Variants in EXO1 observed in about 807,000 individuals in gnomAD.
EXO1 encodes exonuclease 1.
In EXO1, 69 loss-of-function variants were observed where a neutral mutation model predicts 84.5. The ratio of observed to expected loss-of-function variants is 0.82; its 90% CI spans 0.67 to 1.00. The LOEUF (loss-of-function observed/expected upper bound fraction) is 1.00. EXO1 is among the 50% of genes least tolerant of loss of function. EXO1 has a pLI of 0.00. For synonymous variants in EXO1, 373 were observed against 366.1 expected (o/e 1.02, Z -0.21); for missense variants, 1,045 against 1,000.7 (o/e 1.04, Z -0.60).
chr1:241,874,895 G>A (rs1328268674), intron 12 of EXO1, among the ~76,000 whole-genome samples: 1 of 152,232 alleles, frequency 6.6e-6, no homozygotes, highest in African/African-American at 2.4e-5. Flanking sequence ...AGTGTCAGAA[G>A]TGATCTAGGC....
Position 241,861,515 on chromosome 1 carries a change from T to G in EXO1, c.1041+13T>G, listed in dbSNP as rs1473539937. ...AGACACTGCTATGGTAACGTTTTGA[T>G]GACCACCCTATGAAAACACGTTTTA... On this transcript the variant is annotated intron_variant, in intron 10 of 15. Transcript: ENST00000366548. 1.8e-5 allele frequency: 24 copies of G among 1,364,756 alleles called. No individual in the cohort carries two copies. The highest frequency in any genetic ancestry group is 2.4e-5 in the Non-Finnish European group (23 of 952,440). 84.5% of individuals were successfully genotyped at this position (1,364,756 alleles called of 1,614,324 possible).
At position 241,889,754 on chromosome 1, in the gene EXO1, G is replaced by T. The variant is rs1444913567; in HGVS notation, c.*154G>T. 3 of 734,550 alleles carry T rather than the reference G, an allele frequency of 4.1e-6. No homozygotes were observed. Among genetic ancestry groups the T allele is most frequent in the Non-Finnish European group, 6.9e-6 (3 of 433,960 alleles). The allele number at this position is 734,550 out of a possible 1,614,324, so 45.5% of individuals were successfully genotyped here. ...TTTTGTATATTAACTTTATAATTGG[G>T]TTGTGGTTTTTTTGCTCAGCTTTTT... On this transcript the variant is annotated 3_prime_UTR_variant, in exon 16 of 16. Transcript: ENST00000366548.
At chr1:241,853,913 T>A (rs1660804459) in intron 6 of EXO1, among the ~76,000 whole-genome samples, 1 of 152,064 alleles carries the variant, frequency 6.6e-6, no homozygotes. Flanking sequence ...CTCACCCAAC[T>A]CTCCTACAGT....
intron 5 of EXO1, among the ~76,000 whole-genome samples, chr1:241,852,817 C>T (rs1337300103): frequency 2.6e-5 from 4 of 152,176 alleles, no homozygotes; most frequent in Non-Finnish European, 4.4e-5. Flanking sequence ...CCACCACACC[C>T]GGCTAATTTT....
In EXO1 at chr1:241,873,311, G is replaced by T. The variant is rs539030533; in HGVS notation, c.1514+1033G>T. Among the ~76,000 whole-genome samples, 8 of 152,260 alleles carry T rather than the reference G, an allele frequency of 5.3e-5. No homozygotes were observed. In the South Asian group the frequency reaches 1.4e-3, roughly 28 times the overall value. On this transcript the variant is annotated intron_variant, in intron 12 of 15. Coordinates refer to ENST00000366548, the MANE Select transcript of EXO1 (RefSeq NM_130398.4). ...AAACATTGAGTCTAGAGGGAAGCAG[G>T]TGTAGAACCTGCCTTAATCTGATTA...
At chr1:241,882,095 G>C in intron 14 of EXO1, 78 bp downstream of exon 14, 1 of 730,324 alleles carries the variant, frequency 1.4e-6, no homozygotes, top group Non-Finnish European at 2.4e-6. Flanking sequence ...AATACAAGCA[G>C]AATTAAAAAT....
intron 4 of EXO1, 55 bp downstream of exon 4, chr1:241,850,641 C>A (rs561326903): frequency 1.4e-6 from 2 of 1,430,458 alleles, no homozygotes; most frequent in Non-Finnish European, 2.0e-6. Context: ...ACCTACAGTG[C>A]CTTTTTTTCT....
intron 6 of EXO1, among the ~76,000 whole-genome samples, chr1:241,854,955 G>C (rs746714477): frequency 6.6e-6 from 1 of 152,084 alleles, no homozygotes; most frequent in African/African-American, 2.4e-5. Flanking sequence ...GGAGTTGTTC[G>C]TTCCTCCCTG....
At chr1:241,886,818 A>G (rs1315768792) in intron 15 of EXO1, among the ~76,000 whole-genome samples, 8 of 152,118 alleles carry the variant, frequency 5.3e-5, no homozygotes, top group Non-Finnish European at 1.0e-4. Flanking sequence ...AATCCCCCCA[A>G]AAGGTAAGAA....
upstream of EXO1, chr1:241,848,095 G>T (rs1251764007): frequency 6.6e-6 from 1 of 152,300 alleles, no homozygotes; most frequent in Admixed American, 6.5e-5. The surrounding 1 kb of genome is among the most constrained non-coding windows in gnomAD (Gnocchi z 4.2). Flanking sequence ...AGCTCAGGAC[G>T]CAACCCTATG....
intron 6 of EXO1, among the ~76,000 whole-genome samples, chr1:241,853,929 A>G (rs917499915): frequency 3.9e-5 from 6 of 152,182 alleles, no homozygotes; most frequent in African/African-American, 1.4e-4. Flanking sequence ...ACAGTCTTCA[A>G]CACTTACTGT....
chr1:241,856,240 CTT>C (rs1661027132), intron 6 of EXO1, among the ~76,000 whole-genome samples: 1 of 149,094 alleles, frequency 6.7e-6, no homozygotes. Context: ...CTTGATACCT[CTT>C]TCCTCTTTTT....
At chr1:241,868,841 G>T (rs146104836) in intron 11 of EXO1, among the ~76,000 whole-genome samples, 21 of 152,096 alleles carry the variant, frequency 1.4e-4, no homozygotes, top group African/African-American at 3.4e-4. Context: ...TTTATATTTC[G>T]ATTTTTGATG....
intron 4 of EXO1, among the ~76,000 whole-genome samples, chr1:241,851,453 T>C (rs1660665282): frequency 1.3e-5 from 2 of 152,220 alleles, no homozygotes; most frequent in South Asian, 4.1e-4. Context: ...TTATTTTAGC[T>C]GCTAAGTTTG....
Position 241,879,030 on chromosome 1 carries a change from C to CA in EXO1, c.1797dup (p.Pro600ThrfsTer11). The CA allele has an allele frequency of 1.2e-6, 2 of 1,614,192 alleles. No individual in the cohort carries two copies. Among genetic ancestry groups the CA allele is most frequent in the Non-Finnish European group, 1.7e-6 (2 of 1,180,020 alleles). ...AGCAAATTTACAAGGACCATTTCAC[C>CA]ACCCACTTTGGGAACACTAAGAAGT... On this transcript the variant is annotated frameshift_variant, in exon 13 of 16. Coordinates refer to ENST00000366548, the MANE Select transcript of EXO1 (RefSeq NM_130398.4). LOFTEE classifies it high-confidence loss of function.
chr1:241,865,624 T>C (rs1661668069), intron 10 of EXO1, among the ~76,000 whole-genome samples: 1 of 151,406 alleles, frequency 6.6e-6, no homozygotes, highest in Non-Finnish European at 1.5e-5. Context: ...AATGCTAAGA[T>C]GGCCATCCTT....
At position 241,881,970 on chromosome 1, in the gene EXO1, C is replaced by G. The variant is rs565775524; in HGVS notation, c.2164C>G (p.Leu722Val). ...CAGTCAAAGTGACCAGACCTCCAAG[C>G]TACGTTTATCTCATTTCTCAAAAAA... ...LDSQSDQTSKLRLSHFSKKDT... is the reference protein window; with the variant it reads ...LDSQSDQTSKVRLSHFSKKDT... The change falls in exon 14 of 16, where the codon CTA becomes GTA. Residue 722 changes from leucine to valine, a missense_variant. Physicochemically the swap from Leu to Val is conservative, Grantham distance 32. Transcript: ENST00000366548. 8.2e-6 allele frequency: 13 copies of G among 1,583,404 alleles called. No individual in the cohort carries two copies. The highest frequency in any genetic ancestry group is 1.3e-5 in the African/African-American group (1 of 74,430).
At chr1:241,879,514 G>A (rs1030825503) in intron 13 of EXO1, among the ~76,000 whole-genome samples, 171 bp downstream of exon 13, 1 of 152,108 alleles carries the variant, frequency 6.6e-6, no homozygotes, top group Non-Finnish European at 1.5e-5. Flanking sequence ...GGACTTCTCT[G>A]TATCTTTCAC....
Position 241,860,695 on chromosome 1 carries a change from AC to A in EXO1, c.936del (p.Tyr312Ter). On this transcript the variant is annotated frameshift_variant, in exon 9 of 16. Transcript: ENST00000366548. LOFTEE classifies it high-confidence loss of function. ...GATGTTGATCCTGAAACACTAAGCT[AC>A]GCTGGGCAGTATCCTTTCTGAAACA... is the stretch of plus-strand genomic sequence containing the variant. ...EDDVDPETLS[Y>X]AGQYVDDSIA... 6.2e-7 allele frequency: 1 copy of A among 1,612,640 alleles called. No homozygotes were observed. The highest frequency in any genetic ancestry group is 8.5e-7 in the Non-Finnish European group (1 of 1,178,632).
Sources: gnomAD v4.1 joint callset for allele counts (sites outside exome capture counted in the v4.1 genomes callset) on GRCh38, gnomAD v4.1.1 for gene constraint, Gnocchi (gnomAD v3.1) non-coding constraint, MANE v1.5 for transcripts, NCBI Gene and HGNC (gene_info 2026-07-23, HGNC 2026-07-21) for gene names.